Variants in OSBPL9 observed in about 807,000 individuals in gnomAD.
OSBPL9 encodes oxysterol-binding protein-related protein 9.
OSBPL9 carries 40 observed loss-of-function variants against 106.6 expected under a neutral mutation model. The observed-to-expected ratio is 0.38, with a 90% confidence interval of 0.29 to 0.49. The LOEUF is 0.49. OSBPL9 is among the 20% of genes least tolerant of loss of function. The probability of loss-of-function intolerance (pLI) is 0.97; values close to 1 mark genes in which losing one functional copy is unlikely to be tolerated. For missense variants in OSBPL9, 609 were observed against 887.2 expected (o/e 0.69, Z 3.98); for synonymous variants, 269 against 295.4 (o/e 0.91, Z 0.92).
intron 12 of OSBPL9, among the ~76,000 whole-genome samples, chr1:51,770,015 G>A (rs1673496191): frequency 6.6e-6 from 1 of 152,046 alleles, no homozygotes; most frequent in Admixed American, 6.6e-5. Context: ...CTATCACTCA[G>A]GCTAGAGTGC....
intron 12 of OSBPL9, among the ~76,000 whole-genome samples, chr1:51,771,394 C>G (rs1005003200): frequency 1.3e-5 from 2 of 152,064 alleles, no homozygotes; most frequent in Non-Finnish European, 2.9e-5. Context: ...ACTTGGGTGG[C>G]TGAGGTGGGA....
At chr1:51,696,649 A>G (rs1251429813) in intron 3 of OSBPL9, among the ~76,000 whole-genome samples, 2 of 152,178 alleles carry the variant, frequency 1.3e-5, no homozygotes, top group African/African-American at 2.4e-5. Context: ...TTACAAGCAC[A>G]TACAAAACTG....
At chr1:51,561,284 C>T in the OSBPL9 span, among the ~76,000 whole-genome samples, 1 of 152,156 alleles carries the variant, frequency 6.6e-6, no homozygotes, top group Non-Finnish European at 1.5e-5. Flanking sequence ...AGCTTTTCTA[C>T]TTACCTTAAC....
intron 1 of OSBPL9, among the ~76,000 whole-genome samples, chr1:51,595,981 G>A (rs887307314): frequency 1.3e-5 from 2 of 152,074 alleles, no homozygotes; most frequent in Non-Finnish European, 1.5e-5. Context: ...ATCAGGCCAG[G>A]CATGGTGCCT....
the OSBPL9 span, among the ~76,000 whole-genome samples, chr1:51,550,582 G>C: frequency 6.6e-6 from 1 of 151,994 alleles, no homozygotes; most frequent in Non-Finnish European, 1.5e-5. Flanking sequence ...GTGCGATCTC[G>C]GCCCACTGCA....
intron 2 of OSBPL9, among the ~76,000 whole-genome samples, chr1:51,606,244 A>C (rs1643948053): frequency 6.6e-6 from 1 of 152,140 alleles, no homozygotes; most frequent in Non-Finnish European, 1.5e-5. Context: ...CTTTGCCCAG[A>C]GCACCTTTAT....
the OSBPL9 span, among the ~76,000 whole-genome samples, chr1:51,519,992 C>T: frequency 6.6e-6 from 1 of 152,234 alleles, no homozygotes; most frequent in African/African-American, 2.4e-5. Context: ...CTTCTCCCAT[C>T]ATCCACTTAG....
intron 2 of OSBPL9, among the ~76,000 whole-genome samples, chr1:51,662,480 T>G (rs956921962): frequency 3.9e-5 from 6 of 152,058 alleles, no homozygotes; most frequent in African/African-American, 2.4e-5. Context: ...TGCAAGTGAG[T>G]CTTCAGGTGG....
At chr1:51,562,241 C>G in the OSBPL9 span, among the ~76,000 whole-genome samples, 48 of 152,184 alleles carry the variant, frequency 3.2e-4, no homozygotes, top group African/African-American at 1.1e-3. Flanking sequence ...CACGATCCCC[C>G]CTTGGTACTG....
chr1:51,783,983 A>G lies in OSBPL9; in HGVS notation c.1582A>G (p.Lys528Glu). 6.2e-7 allele frequency: 1 copy of G among 1,614,006 alleles called. No homozygotes were observed. Among genetic ancestry groups the G allele is most frequent in the East Asian group, 2.2e-5 (1 of 44,888 alleles). Residue 528 changes from lysine (K) to glutamate (E), a missense_variant, in exon 18 of 24, where the codon AAA becomes GAA. Lys to Glu is a moderately conservative substitution (Grantham distance 56). Coordinates refer to ENST00000428468, the MANE Select transcript of OSBPL9 (RefSeq NM_024586.6). ...CAATGCTCATATCTGGACCAAATCA[A>G]AATTCCTTGGGATGTCAATTGGGGT... ...QFNAHIWTKS[K>E]FLGMSIGVHN... is the part of the protein sequence containing the mutation.
chr1:51,788,953 A>G lies in OSBPL9; in HGVS notation c.*1164A>G, dbSNP rs1678379431. Among the ~76,000 whole-genome samples, 1 of 152,142 alleles carries G rather than the reference A, an allele frequency of 6.6e-6. No individual in the cohort carries two copies. The highest frequency in any genetic ancestry group is 2.4e-5 in the African/African-American group (1 of 41,430). On this transcript the variant is annotated 3_prime_UTR_variant, in exon 24 of 24. Coordinates refer to ENST00000428468, the MANE Select transcript of OSBPL9 (RefSeq NM_024586.6). ...TACTGGTTACGTAAGGCCTTTCAAG[A>G]AGTAGATTCTCAGTCTGAGAGGACA...
intron 12 of OSBPL9, among the ~76,000 whole-genome samples, chr1:51,767,458 T>A (rs543848263): frequency 2.0e-4 from 30 of 152,166 alleles, no homozygotes; most frequent in Non-Finnish European, 4.3e-4. Context: ...TTGTTGTAGA[T>A]GTATTAATAG....
At chr1:51,787,526 T>C in intron 23 of OSBPL9, 38 bp downstream of exon 23, 1 of 1,611,230 alleles carries the variant, frequency 6.2e-7, no homozygotes, top group South Asian at 1.1e-5. Context: ...GTGCTGTTCC[T>C]CCTAATTTAT....
At chr1:51,712,666 A>G (rs927954916) in intron 3 of OSBPL9, among the ~76,000 whole-genome samples, 2 of 152,096 alleles carry the variant, frequency 1.3e-5, no homozygotes, top group African/African-American at 4.8e-5. Context: ...AAAAGGAAAA[A>G]ATTATGTCAT....
chr1:51,713,906 T>G lies in OSBPL9; in HGVS notation c.242-97T>G, dbSNP rs1289265447. The G allele has an allele frequency of 3.0e-6, 3 of 991,306 alleles. No homozygotes were observed. The African/African-American group carries it at 4.9e-5, about 16-fold the overall frequency. The allele number at this position is 991,306 out of a possible 1,614,324, so 61.4% of individuals were successfully genotyped here. ...AGGAAATGGTACAACTAAAAACCTT[T>G]TCTGTTAGCCATCATAGTTTTAAAA... On this transcript the variant is annotated intron_variant, in intron 3 of 23. Coordinates refer to ENST00000428468, the MANE Select transcript of OSBPL9 (RefSeq NM_024586.6).
At chr1:51,574,387 A>G (rs1210481683), upstream of OSBPL9, among the ~76,000 whole-genome samples, 1 of 152,214 alleles carries the variant, frequency 6.6e-6, no homozygotes, top group Non-Finnish European at 1.5e-5. Context: ...TAGGAGGCCA[A>G]CGTGGGCAGA....
In OSBPL9 at chr1:51,751,636, C is replaced by T. The variant is rs908649317; in HGVS notation, c.543+1441C>T. ...CCTACAGATAACCAGTAAACCACAC[C>T]ATGCCCTGTTTGAGTGACTAGGTAT... On this transcript the variant is annotated intron_variant, in intron 8 of 23. Transcript: ENST00000428468. Among the ~76,000 whole-genome samples the T allele has an allele frequency of 2.0e-5, 3 of 152,202 alleles. No homozygotes were observed. In the East Asian group the frequency reaches 5.8e-4, roughly 29 times the overall value.
chr1:51,669,531 T>G lies in OSBPL9; in HGVS notation c.241+19T>G, dbSNP rs372493270. 2.4e-5 allele frequency: 39 copies of G among 1,607,448 alleles called. No individual in the cohort carries two copies. The highest frequency in any genetic ancestry group is 3.0e-5 in the Non-Finnish European group (35 of 1,174,268). On this transcript the variant is annotated intron_variant, in intron 3 of 23. Coordinates refer to ENST00000428468, the MANE Select transcript of OSBPL9 (RefSeq NM_024586.6). Reference sequence around the variant, plus strand: ...TTCCAGGGTGAGCTGAAAGAAGAGATTCTTTCTCTTCATAGTCCCATCTGC... The same window carrying G: ...TTCCAGGGTGAGCTGAAAGAAGAGAGTCTTTCTCTTCATAGTCCCATCTGC...
intron 1 of OSBPL9, among the ~76,000 whole-genome samples, chr1:51,626,595 C>T (rs916597478): frequency 3.9e-5 from 6 of 152,146 alleles, no homozygotes; most frequent in East Asian, 1.9e-4. Context: ...ACTGCAGCCT[C>T]GACCTCCCAG....
Sources: allele counts gnomAD v4.1 joint callset (sites outside exome capture counted in the v4.1 genomes callset), GRCh38; gene constraint gnomAD v4.1.1; transcripts MANE v1.5; gene names NCBI Gene and HGNC (gene_info 2026-07-23, HGNC 2026-07-21).